Variants in BPTF observed in about 807,000 individuals in gnomAD.
The protein encoded by BPTF is bromodomain PHD finger transcription factor.
Under a neutral mutation model 292.5 loss-of-function variants are expected in BPTF, and 18 were observed. The ratio of observed to expected loss-of-function variants is 0.06; its 90% CI spans 0.04 to 0.09. BPTF has a LOEUF of 0.09. BPTF is among the 10% of genes least tolerant of loss of function. BPTF has a pLI of 1.00. For synonymous variants in BPTF, 1,225 were observed against 1,251.9 expected (o/e 0.98, Z 0.45); for missense variants, 2,726 against 3,498.7 (o/e 0.78, Z 5.57).
In BPTF at chr17:67,913,269, T is replaced by C. The variant is rs545230871; in HGVS notation, c.5303+82T>C. On this transcript the variant is annotated intron_variant, in intron 11 of 27. Transcript: ENST00000306378. ...ACAAGAATATCTCATTTTTAAAAAATGAGATAATAGAGATAAGACAGGAAA... is the reference window on the plus strand; with the variant it reads ...ACAAGAATATCTCATTTTTAAAAAACGAGATAATAGAGATAAGACAGGAAA... 182 of 1,470,916 alleles carry C rather than the reference T, an allele frequency of 1.2e-4. No homozygotes were observed. In the African/African-American group the frequency reaches 2.4e-3, roughly 19 times the overall value. The allele number at this position is 1,470,916 out of a possible 1,614,324, so 91.1% of individuals were successfully genotyped here. A position where few individuals can be genotyped will look rare whatever the true frequency, so the allele number is the denominator to read the frequency against.
chr17:67,839,104 C>T (rs940500737), intron 1 of BPTF, among the ~76,000 whole-genome samples: 2 of 151,712 alleles, frequency 1.3e-5, no homozygotes, highest in African/African-American at 4.9e-5. Context: ...ACATTGCCCT[C>T]TACCATTGAT....
intron 1 of BPTF, among the ~76,000 whole-genome samples, chr17:67,852,348 A>G (rs2058458874): frequency 6.6e-6 from 1 of 152,180 alleles, no homozygotes; most frequent in African/African-American, 2.4e-5. Context: ...AAAAGTAAAA[A>G]GAAATTAGTC....
At chr17:67,926,654 T>A (rs2063932955) in intron 15 of BPTF, among the ~76,000 whole-genome samples, 1 of 152,210 alleles carries the variant, frequency 6.6e-6, no homozygotes, top group African/African-American at 2.4e-5. Context: ...TTATTTAAGA[T>A]GCTTATTTAT....
chr17:67,850,617 T>C (rs1183190922), intron 1 of BPTF, among the ~76,000 whole-genome samples: 1 of 152,200 alleles, frequency 6.6e-6, no homozygotes, highest in Non-Finnish European at 1.5e-5. Flanking sequence ...TCTGCCCACC[T>C]TGGACTCCCA....
chr17:67,861,352 T>G (rs533682846), intron 2 of BPTF, among the ~76,000 whole-genome samples: 162 of 151,396 alleles, frequency 1.1e-3, no homozygotes, highest in Non-Finnish European at 1.8e-3. Context: ...TTTTTTTTTT[T>G]TTTTGAGATG....
chr17:67,864,581 A>G (rs1307224843), intron 2 of BPTF, among the ~76,000 whole-genome samples: 1 of 151,846 alleles, frequency 6.6e-6, no homozygotes, highest in Non-Finnish European at 1.5e-5. Flanking sequence ...AAAACAGACC[A>G]AAAAAACCCC....
intron 7 of BPTF, among the ~76,000 whole-genome samples, chr17:67,901,168 A>G (rs1288792514): frequency 6.6e-6 from 1 of 152,226 alleles, no homozygotes; most frequent in Non-Finnish European, 1.5e-5. Context: ...TAGATAAAAT[A>G]CAGAATCCAA....
chr17:67,956,077 G>A (rs1279345746), intron 23 of BPTF: 1 of 151,830 alleles, frequency 6.6e-6, no homozygotes, highest in Non-Finnish European at 1.5e-5. Flanking sequence ...CCAGCACTTT[G>A]GGAGGCCGAG....
chr17:67,853,859 G>C (rs2058553694), intron 1 of BPTF, 81 bp from the exon 2 acceptor site: 3 of 1,005,110 alleles, frequency 3.0e-6, no homozygotes, highest in Non-Finnish European at 1.5e-6. Context: ...ATGTATTTTA[G>C]GGGGGTATAT....
intron 1 of BPTF, among the ~76,000 whole-genome samples, chr17:67,847,824 T>C (rs1261571112): frequency 6.6e-6 from 1 of 152,150 alleles, no homozygotes; most frequent in Non-Finnish European, 1.5e-5. Context: ...TAATGCTAGA[T>C]TGGGACACTA....
chr17:67,933,387 T>C (rs1369002421), intron 18 of BPTF, among the ~76,000 whole-genome samples: 2 of 151,548 alleles, frequency 1.3e-5, no homozygotes, highest in East Asian at 3.9e-4. Context: ...CTGGGCAACA[T>C]AGGGAGACCC....
At chr17:67,898,822 C>A (rs1030064740) in intron 7 of BPTF, among the ~76,000 whole-genome samples, 2 of 150,698 alleles carry the variant, frequency 1.3e-5, no homozygotes, top group African/African-American at 2.4e-5. Context: ...TTTGGGCAAC[C>A]ACGTCAGGAG....
At chr17:67,960,170 A>C (rs1455467923) in intron 24 of BPTF, 1 of 264,350 alleles carries the variant, frequency 3.8e-6, no homozygotes, top group Non-Finnish European at 7.2e-6. Flanking sequence ...ATCAGTGAGT[A>C]ATTGATGTCT....
At chr17:67,841,155 C>G (rs2057524262) in intron 1 of BPTF, among the ~76,000 whole-genome samples, 1 of 152,000 alleles carries the variant, frequency 6.6e-6, no homozygotes, top group Non-Finnish European at 1.5e-5. Context: ...TGCCTGTAAT[C>G]CCAGCACTTC....
intron 21 of BPTF, among the ~76,000 whole-genome samples, chr17:67,946,597 A>C (rs1327638451): frequency 6.6e-6 from 1 of 152,212 alleles, no homozygotes; most frequent in Non-Finnish European, 1.5e-5. Context: ...TATGAGCTTT[A>C]ATCTTTAATA....
In BPTF at chr17:67,854,810, A is replaced by G. The variant is rs770505841; in HGVS notation, c.1436+48A>G. On this transcript the variant is annotated intron_variant, in intron 2 of 27. Coordinates refer to ENST00000306378, the MANE Select transcript of BPTF (RefSeq NM_182641.4). This position sits in a 1 kb window ranked among gnomAD's most constrained non-coding sequence, Gnocchi z 5.6. ...TTTTGTATGCATTTAAAATTAGACTAGTTTCCTTCGTGATTGATGTAGCAG... is the reference window on the plus strand; with the variant it reads ...TTTTGTATGCATTTAAAATTAGACTGGTTTCCTTCGTGATTGATGTAGCAG... 1.1e-5 allele frequency: 15 copies of G among 1,384,606 alleles called. No individual in the cohort carries two copies. Among genetic ancestry groups the G allele is most frequent in the Non-Finnish European group, 1.4e-5 (14 of 995,198 alleles). The allele number at this position is 1,384,606 out of a possible 1,614,324, so 85.8% of individuals were successfully genotyped here.
At chr17:67,900,184 A>C (rs979470097) in intron 7 of BPTF, among the ~76,000 whole-genome samples, 2 of 152,020 alleles carry the variant, frequency 1.3e-5, no homozygotes, top group Non-Finnish European at 2.9e-5. Flanking sequence ...GGCTCACTGC[A>C]ACCTCCACCT....
Position 67,911,155 on chromosome 17 carries a change from A to G in BPTF, c.3271A>G (p.Ile1091Val), listed in dbSNP as rs533313446. 5 of 1,613,980 alleles carry G rather than the reference A, an allele frequency of 3.1e-6. No individual in the cohort carries two copies. The highest frequency in any genetic ancestry group is 2.2e-5 in the East Asian group (1 of 44,866). The change falls in exon 11 of 28, where the codon ATA (isoleucine) becomes GTA (valine). Residue 1091 changes from isoleucine to valine, a missense_variant. This residue lies in a region of BPTF where 713 missense variants were observed against 714.9 expected (regional missense o/e 1.00). Transcript: ENST00000306378. ...CAAGTTGGAGGGTGGAATTAAGGGT[A>G]TAGGAAAGACTTCTACAAATTCTTC... is the stretch of plus-strand genomic sequence containing the variant. ...KIKLEGGIKG[I>V]GKTSTNSSKN...
At chr17:67,872,436 G>A (rs547276230) in intron 3 of BPTF, among the ~76,000 whole-genome samples, 5 of 152,228 alleles carry the variant, frequency 3.3e-5, no homozygotes, top group African/African-American at 7.2e-5. Context: ...GAAAATGGCC[G>A]GGCGTGGTGG....
Sources: allele counts gnomAD v4.1 joint callset (sites outside exome capture counted in the v4.1 genomes callset), GRCh38; gene constraint gnomAD v4.1.1; regional missense constraint gnomAD v4.1.1; non-coding constraint Gnocchi (gnomAD v3.1); transcripts MANE v1.5; gene names NCBI Gene and HGNC (gene_info 2026-07-23, HGNC 2026-07-21).